The following TEX36 variants were observed in gnomAD, a reference collection of about 807,000 sequenced individuals.
TEX36 encodes the protein testis expressed 36.
Under a neutral mutation model 13.6 loss-of-function variants are expected in TEX36, and 12 were observed. The observed-to-expected ratio is 0.88, with a 90% CI of 0.56 to 1.43. The LOEUF (loss-of-function observed/expected upper bound fraction) is 1.43. Ranked by LOEUF, TEX36 falls within the 40% of genes most tolerant of loss-of-function variation. The pLI, the probability that TEX36 is intolerant of heterozygous loss-of-function variation, is 0.00. For missense variants in TEX36, 224 were observed against 228.3 expected (o/e 0.98, Z 0.12); for synonymous variants, 93 against 83.0 (o/e 1.12, Z -0.65).
downstream of TEX36, among the ~76,000 whole-genome samples, chr10:125,618,120 C>G (rs907269232): frequency 2.4e-4 from 36 of 152,268 alleles, no homozygotes; most frequent in African/African-American, 8.2e-4. Context: ...GTTCTCGAAC[C>G]TTGGTTTTCA....
intron 3 of TEX36, among the ~76,000 whole-genome samples, chr10:125,602,074 T>C (rs1238292230): frequency 1.3e-5 from 2 of 152,192 alleles, no homozygotes; most frequent in Non-Finnish European, 2.9e-5. Flanking sequence ...GCCTGGGCTC[T>C]GCCTCTATCT....
chr10:125,595,116 T>G (rs1239456769), intron 3 of TEX36, among the ~76,000 whole-genome samples: 1 of 152,198 alleles, frequency 6.6e-6, no homozygotes, highest in Non-Finnish European at 1.5e-5. Flanking sequence ...ATGAATAATT[T>G]TATAGAAATA....
At chr10:125,644,334 T>C (rs1010978641) in intron 3 of TEX36, among the ~76,000 whole-genome samples, 1 of 152,090 alleles carries the variant, frequency 6.6e-6, no homozygotes, top group African/African-American at 2.4e-5. Flanking sequence ...GGTATTTAAG[T>C]AGCCATCTAA....
intron 3 of TEX36, among the ~76,000 whole-genome samples, chr10:125,639,068 T>G (rs1043505274): frequency 2.6e-5 from 4 of 152,358 alleles, no homozygotes; most frequent in Middle Eastern, 3.4e-3. Context: ...TAATTTTCCT[T>G]TAATTAGCAG....
intron 3 of TEX36, among the ~76,000 whole-genome samples, chr10:125,623,370 C>A (rs1162831491): frequency 3.3e-5 from 5 of 152,138 alleles, no homozygotes; most frequent in African/African-American, 1.2e-4. Flanking sequence ...CTGGCAACAC[C>A]CTCCAAGACA....
chr10:125,664,166 G>C (rs1313531780), intron 1 of TEX36, among the ~76,000 whole-genome samples: 3 of 152,000 alleles, frequency 2.0e-5, no homozygotes, highest in Non-Finnish European at 4.4e-5. Context: ...GCAAATGACA[G>C]AATCTCATTC....
intron 3 of TEX36, among the ~76,000 whole-genome samples, chr10:125,602,774 T>C (rs933754428): frequency 1.3e-5 from 2 of 152,232 alleles, no homozygotes; most frequent in African/African-American, 2.4e-5. Flanking sequence ...TAAAATTCTA[T>C]GTGTTTATAT....
At chr10:125,601,475 T>C (rs191534975) in intron 3 of TEX36, among the ~76,000 whole-genome samples, 17 of 152,372 alleles carry the variant, frequency 1.1e-4, no homozygotes, top group African/African-American at 3.8e-4. Context: ...GTGAAGATAA[T>C]TCAAGAATTT....
intron 3 of TEX36, among the ~76,000 whole-genome samples, chr10:125,611,233 G>A (rs970593334): frequency 2.0e-5 from 3 of 152,082 alleles, no homozygotes; most frequent in Non-Finnish European, 2.9e-5. Context: ...ATTTCCTTAT[G>A]ATAAATTCTT....
At chr10:125,602,344 G>A (rs369356466) in intron 3 of TEX36, among the ~76,000 whole-genome samples, 1 of 152,162 alleles carries the variant, frequency 6.6e-6, no homozygotes, top group African/African-American at 2.4e-5. Flanking sequence ...AGATGGGAAA[G>A]CGCTTTTCAT....
At chr10:125,630,101 C>T (rs190708839) in intron 3 of TEX36, among the ~76,000 whole-genome samples, 51 of 152,276 alleles carry the variant, frequency 3.3e-4, no homozygotes, top group African/African-American at 1.0e-3. Flanking sequence ...GTTTTCTAGA[C>T]GCCTCCTCTG....
Position 125,605,411 on chromosome 10 carries a change from C to T in TEX36, c.265-28537G>A, listed in dbSNP as rs549420418. On this transcript the variant is annotated intron_variant, in intron 3 of 3. Coordinates refer to the TEX36 transcript ENST00000532135. ...GTGGTCAGTTAATCTCCACACGCAG[C>T]GTAGTGCAGCAATGTGGTCAGTTAA... Among the ~76,000 whole-genome samples the T allele has an allele frequency of 1.2e-4, 18 of 151,850 alleles. No individual in the cohort carries two copies. In the South Asian group the frequency reaches 2.7e-3, roughly 23 times the overall value.
chr10:125,660,598 G>T (rs1373393220), intron 3 of TEX36, among the ~76,000 whole-genome samples: 1 of 152,184 alleles, frequency 6.6e-6, no homozygotes, highest in Non-Finnish European at 1.5e-5. Context: ...ACAACCTGTA[G>T]AGAAAAGGCA....
In TEX36 at chr10:125,655,868, T is replaced by C. The variant is rs1424452224; in HGVS notation, c.*32A>G. ...TAGGATGTCTGATGAAATACCAGTA[T>C]TACAAAATTCATCAAAAATCTTCTG... On this transcript the variant is annotated 3_prime_UTR_variant, in exon 4 of 4. Coordinates refer to ENST00000368821, the MANE Select transcript of TEX36 (RefSeq NM_001128202.3). The C allele has an allele frequency of 2.1e-6, 3 of 1,457,352 alleles. No homozygotes were observed. Among genetic ancestry groups the C allele is most frequent in the Non-Finnish European group, 2.7e-6 (3 of 1,100,560 alleles). The allele number at this position is 1,457,352 out of a possible 1,614,324, so 90.3% of individuals were successfully genotyped here. A position where few individuals can be genotyped will look rare whatever the true frequency, so the allele number is the denominator to read the frequency against.
intron 3 of TEX36, among the ~76,000 whole-genome samples, chr10:125,638,921 C>T (rs543200934): frequency 1.3e-5 from 2 of 152,380 alleles, no homozygotes; most frequent in Admixed American, 1.3e-4. Flanking sequence ...AACCCATCAT[C>T]CCTTTCTATT....
chr10:125,602,695 T>C (rs1846164459), intron 3 of TEX36, among the ~76,000 whole-genome samples: 1 of 152,190 alleles, frequency 6.6e-6, no homozygotes, highest in South Asian at 2.1e-4. Context: ...ATGGATGAAG[T>C]GGAGAAAGCA....
intron 3 of TEX36, among the ~76,000 whole-genome samples, chr10:125,588,264 G>A (rs1329662921): frequency 1.3e-5 from 2 of 152,206 alleles, no homozygotes. Flanking sequence ...TCATCTCAGT[G>A]TGGTATTGAC....
At chr10:125,591,331 G>C (rs1425127580) in intron 3 of TEX36, among the ~76,000 whole-genome samples, 1 of 152,208 alleles carries the variant, frequency 6.6e-6, no homozygotes, top group Non-Finnish European at 1.5e-5. Context: ...GGTGGATGGT[G>C]AAAGTTTAAA....
chr10:125,594,037 C>A (rs1378197279), intron 3 of TEX36, among the ~76,000 whole-genome samples: 1 of 152,182 alleles, frequency 6.6e-6, no homozygotes, highest in Non-Finnish European at 1.5e-5. Context: ...AGCACGCTGG[C>A]CTCTCTGGAG....
Sources: gnomAD v4.1 joint callset for allele counts (sites outside exome capture counted in the v4.1 genomes callset) on GRCh38, gnomAD v4.1.1 for gene constraint, MANE v1.5 for transcripts, NCBI Gene and HGNC (gene_info 2026-07-23, HGNC 2026-07-21) for gene names.